Variants in ARFGEF1 observed in about 807,000 individuals in gnomAD.
ARFGEF1 encodes ARF guanine nucleotide exchange factor 1.
In ARFGEF1, 42 loss-of-function variants were observed where a neutral mutation model predicts 231.0. The observed-to-expected ratio is 0.18, with a 90% CI of 0.14 to 0.24. The LOEUF (loss-of-function observed/expected upper bound fraction) is 0.24, where lower values mean the gene tolerates loss of function less well. ARFGEF1 is among the 10% of genes least tolerant of loss of function. ARFGEF1 has a pLI of 1.00. For missense variants in ARFGEF1, 1,345 were observed against 2,192.0 expected (o/e 0.61, Z 7.72); for synonymous variants, 710 against 732.3 (o/e 0.97, Z 0.49).
At chr8:67,186,429 A>G (rs987013865) in intron 5 of ARFGEF1, among the ~76,000 whole-genome samples, 2 of 152,126 alleles carry the variant, frequency 1.3e-5, no homozygotes, top group African/African-American at 2.4e-5. Context: ...AAAAAAAAAA[A>G]AAAAAAGTCC....
At chr8:67,298,909 G>A (rs1187752086) in intron 4 of ARFGEF1, among the ~76,000 whole-genome samples, 1 of 152,076 alleles carries the variant, frequency 6.6e-6, no homozygotes, top group Non-Finnish European at 1.5e-5. Context: ...GGAACTACAG[G>A]TGCCCACCAT....
At chr8:67,288,434 T>C (rs1805852150) in intron 6 of ARFGEF1, among the ~76,000 whole-genome samples, 1 of 150,088 alleles carries the variant, frequency 6.7e-6, no homozygotes, top group Non-Finnish European at 1.5e-5. Flanking sequence ...CCTTATCAAA[T>C]ATACTGAATG....
intron 16 of ARFGEF1, 95 bp downstream of exon 16, chr8:67,257,990 G>T: frequency 2.4e-6 from 3 of 1,239,696 alleles, no homozygotes; most frequent in Non-Finnish European, 3.4e-6. Context: ...CTCTAAACAG[G>T]GGATTAGGTC....
chr8:67,316,148 C>T (rs1165800836), intron 1 of ARFGEF1, among the ~76,000 whole-genome samples: 1 of 152,102 alleles, frequency 6.6e-6, no homozygotes, highest in Non-Finnish European at 1.5e-5. Context: ...GCAAACAATT[C>T]TACATACAAA....
At chr8:67,182,822 A>T (rs192040663) in intron 5 of ARFGEF1, among the ~76,000 whole-genome samples, 135 of 152,296 alleles carry the variant, frequency 8.9e-4, no homozygotes, top group Non-Finnish European at 1.6e-3. Context: ...TAATTTTTAA[A>T]ATCAGAGTTT....
chr8:67,221,478 A>G (rs1039157879), intron 29 of ARFGEF1, among the ~76,000 whole-genome samples: 2 of 152,230 alleles, frequency 1.3e-5, no homozygotes, highest in African/African-American at 4.8e-5. Flanking sequence ...TCTAAAAAGT[A>G]AAAAATAAAA....
chr8:67,246,568 A>C (rs1840114138), intron 19 of ARFGEF1, among the ~76,000 whole-genome samples: 1 of 149,884 alleles, frequency 6.7e-6, no homozygotes, highest in East Asian at 1.9e-4. Context: ...AATGATAATG[A>C]AGACACAACG....
At chr8:67,201,160 T>C (rs1838313450) in intron 37 of ARFGEF1, among the ~76,000 whole-genome samples, 1 of 152,198 alleles carries the variant, frequency 6.6e-6, no homozygotes, top group Non-Finnish European at 1.5e-5. Context: ...AGGCAAGTTT[T>C]CACTTATACA....
At chr8:67,336,172 T>A (rs1808339599) in intron 1 of ARFGEF1, among the ~76,000 whole-genome samples, 1 of 152,256 alleles carries the variant, frequency 6.6e-6, no homozygotes, top group South Asian at 2.1e-4. Flanking sequence ...CAAAACTTTT[T>A]AAATATTCTT....
At chr8:67,314,114 T>C (rs1807197058) in intron 1 of ARFGEF1, among the ~76,000 whole-genome samples, 1 of 152,152 alleles carries the variant, frequency 6.6e-6, no homozygotes, top group Non-Finnish European at 1.5e-5. Context: ...CACTCCCACC[T>C]TGCCCCCTGC....
At chr8:67,312,853 T>G (rs1031219463) in intron 1 of ARFGEF1, among the ~76,000 whole-genome samples, 5 of 152,172 alleles carry the variant, frequency 3.3e-5, no homozygotes, top group African/African-American at 1.2e-4. Context: ...ATCAGTATAC[T>G]GTGAAAAGCT....
Position 67,211,485 on chromosome 8 carries a change from G to A in ARFGEF1, c.4817C>T (p.Ala1606Val). The stretch of plus-strand genomic sequence containing the variant: ...TTTTATTTAGAGAAATAACTCACTT[G>A]CTGTAGATTTAATTTTGCTGACTTC... ...NEEVSKIKST[A>V]KFPEQKLFAA... is the part of the protein sequence containing the mutation. Residue 1606 changes from alanine (A) to valine (V), a missense_variant and splice_region_variant, in exon 34 of 39, where the codon GCA becomes GTA. Physicochemically the swap from Ala to Val is moderately conservative, Grantham distance 64. Coordinates refer to ENST00000262215, the MANE Select transcript of ARFGEF1 (RefSeq NM_006421.5). 6.4e-7 allele frequency: 1 copy of A among 1,566,118 alleles called. No homozygotes were observed. Among genetic ancestry groups the A allele is most frequent in the Non-Finnish European group, 8.6e-7 (1 of 1,161,372 alleles).
Position 67,266,153 on chromosome 8 carries a change from A to G in ARFGEF1, c.1976T>C (p.Ile659Thr). Residue 659 changes from isoleucine (I) to threonine (T), a missense_variant, in exon 14 of 39, where the codon ATA becomes ACA. This residue lies in a region of ARFGEF1 where 105 missense variants were observed against 159.3 expected (regional missense o/e 0.66). Transcript: ENST00000262215. ...EMSEIKHPET[I>T]NRYGSLNSLE... ...GGAATTTAAACTTCCGTATCTGTTTATTGTCTCAGGGTGTTTGATTTCACT... is the reference window on the plus strand; with the variant it reads ...GGAATTTAAACTTCCGTATCTGTTTGTTGTCTCAGGGTGTTTGATTTCACT... 6.2e-7 allele frequency: 1 copy of G among 1,613,514 alleles called. No homozygotes were observed. Among genetic ancestry groups the G allele is most frequent in the South Asian group, 1.1e-5 (1 of 91,042 alleles).
chr8:67,291,683 T>G (rs1380932731), intron 6 of ARFGEF1, among the ~76,000 whole-genome samples, 164 bp downstream of exon 6: 1 of 152,040 alleles, frequency 6.6e-6, no homozygotes, highest in East Asian at 1.9e-4. Context: ...TAGGTTAGAG[T>G]CAAATTAATT....
chr8:67,315,229 T>G (rs938859148), intron 1 of ARFGEF1, among the ~76,000 whole-genome samples: 2 of 152,108 alleles, frequency 1.3e-5, no homozygotes, highest in Non-Finnish European at 2.9e-5. Flanking sequence ...CCTAAATGTG[T>G]ATATAACAAA....
intron 3 of ARFGEF1, among the ~76,000 whole-genome samples, chr8:67,300,376 TATA>T: frequency 6.6e-6 from 1 of 152,318 alleles, no homozygotes; most frequent in African/African-American, 2.4e-5. Flanking sequence ...GTCTTACAAA[TATA>T]ATATCTATGA....
intron 34 of ARFGEF1, among the ~76,000 whole-genome samples, chr8:67,208,846 G>C (rs981006820): frequency 1.3e-5 from 2 of 152,126 alleles, no homozygotes; most frequent in East Asian, 3.9e-4. Context: ...CATATGAAAA[G>C]ATGGTTAACA....
At chr8:67,253,751 C>A in intron 17 of ARFGEF1, 129 bp from the exon 18 acceptor site, 1 of 488,308 alleles carries the variant, frequency 2.0e-6, no homozygotes, top group Non-Finnish European at 3.3e-6. Flanking sequence ...AAGTATTCAA[C>A]AAAATATAGA....
chr8:67,187,716 A>G (rs1490021671), intron 5 of ARFGEF1, among the ~76,000 whole-genome samples: 1 of 152,168 alleles, frequency 6.6e-6, no homozygotes, highest in Non-Finnish European at 1.5e-5. Flanking sequence ...ACGCAAATAC[A>G]GTCAGCTGAT....
Sources: allele counts gnomAD v4.1 joint callset (sites outside exome capture counted in the v4.1 genomes callset), GRCh38; gene constraint gnomAD v4.1.1; regional missense constraint gnomAD v4.1.1; transcripts MANE v1.5; gene names NCBI Gene and HGNC (gene_info 2026-07-23, HGNC 2026-07-21).